The following ADGRL2 variants were observed in gnomAD, a reference collection of about 807,000 sequenced individuals.
ADGRL2 encodes the protein adhesion G protein-coupled receptor L2.
ADGRL2 carries 44 observed loss-of-function variants against 157.4 expected under a neutral mutation model. The ratio of observed to expected loss-of-function variants is 0.28; its 90% CI spans 0.22 to 0.36. The LOEUF is 0.36. Ranked by LOEUF, ADGRL2 falls within the 10% of genes least tolerant of loss-of-function variation. The pLI is 1.00. For synonymous variants in ADGRL2, 585 were observed against 624.7 expected, an observed-to-expected ratio of 0.94 and a Z score of 0.95; for missense variants, 1,510 against 1,768.9, an observed-to-expected ratio of 0.85 and a Z score of 2.63.
At chr1:81,824,963 C>CTCTCTCTCTT (rs1553162215) in intron 1 of ADGRL2, among the ~76,000 whole-genome samples, 25 of 138,458 alleles carry the variant, frequency 1.8e-4, no homozygotes, top group African/African-American at 6.7e-4. Context: ...CTCTCTCTCT[C>CTCTCTCTCTT]TCTCTCTCTC....
At position 81,395,862 on chromosome 1, in the gene ADGRL2, A is replaced by G. The variant is rs145282238; in HGVS notation, c.-301-49174A>G. Among the ~76,000 whole-genome samples, 6 of 152,160 alleles carry G rather than the reference A, an allele frequency of 3.9e-5. No homozygotes were observed. In the East Asian group the frequency reaches 9.7e-4, roughly 24 times the overall value. On this transcript the variant is annotated intron_variant, in intron 1 of 24. Transcript: ENST00000370721. ...AAATCAGTTAGCCGTAAATATGTGA[A>G]TTTATTTCTAGGTTCTCTAGCTTGT...
At chr1:81,481,858 C>T (rs1300623130) in intron 2 of ADGRL2, among the ~76,000 whole-genome samples, 2 of 152,150 alleles carry the variant, frequency 1.3e-5, no homozygotes, top group African/African-American at 2.4e-5. Flanking sequence ...TAGCCCTTCC[C>T]TGTTTCTTTG....
chr1:81,738,924 T>C (rs992998520), intron 1 of ADGRL2, among the ~76,000 whole-genome samples: 6 of 152,252 alleles, frequency 3.9e-5, no homozygotes, highest in African/African-American at 1.4e-4. Context: ...GGACTTGAGC[T>C]ACTTCTGCTG....
chr1:81,656,117 T>C (rs2082529256), intron 3 of ADGRL2, among the ~76,000 whole-genome samples: 1 of 152,212 alleles, frequency 6.6e-6, no homozygotes, highest in South Asian at 2.1e-4. Context: ...CCACTAGATC[T>C]CTAACACTTT....
chr1:81,801,315 G>T (rs1032784267), intron 1 of ADGRL2, among the ~76,000 whole-genome samples: 6 of 152,172 alleles, frequency 3.9e-5, no homozygotes, highest in Non-Finnish European at 7.3e-5. Flanking sequence ...CCCAACTGGC[G>T]GGGAGGGCGG....
chr1:81,781,484 G>A (rs1018986446), intron 2 of ADGRL2, among the ~76,000 whole-genome samples: 2 of 152,116 alleles, frequency 1.3e-5, no homozygotes, highest in Non-Finnish European at 2.9e-5. Flanking sequence ...ACAGAATCTA[G>A]GCTTTAAAAG....
At chr1:81,798,081 G>A (rs2389187), upstream of ADGRL2, among the ~76,000 whole-genome samples, 1,890 of 152,238 alleles carry the variant, frequency 0.012, 48 homozygotes, top group African/African-American at 0.043. Flanking sequence ...GGATTGCAGG[G>A]AATGCGTAAC....
intron 7 of ADGRL2, 47 bp from the exon 8 acceptor site, chr1:81,950,971 C>T (rs1348607383): frequency 8.2e-6 from 10 of 1,215,064 alleles, no homozygotes; most frequent in Non-Finnish European, 1.1e-5. Context: ...CGAATGCATG[C>T]AGAAAAATGG....
At chr1:81,843,027 T>C (rs1316133847) in intron 2 of ADGRL2, among the ~76,000 whole-genome samples, 1 of 152,176 alleles carries the variant, frequency 6.6e-6, no homozygotes, top group Non-Finnish European at 1.5e-5. Context: ...ATTAAATTAA[T>C]AGGAATTGTG....
intron 1 of ADGRL2, among the ~76,000 whole-genome samples, chr1:81,751,749 T>G (rs2085496673): frequency 6.6e-6 from 1 of 152,164 alleles, no homozygotes; most frequent in Non-Finnish European, 1.5e-5. Flanking sequence ...TATCCTTGTT[T>G]GTTGAAAAAA....
chr1:81,426,474 G>GC, intron 1 of ADGRL2: 1 of 393,684 alleles, frequency 2.5e-6, no homozygotes, highest in Non-Finnish European at 4.9e-6. Flanking sequence ...TAAAACTGAT[G>GC]CCCAGTGGCC....
chr1:81,439,061 C>A (rs138830759), intron 1 of ADGRL2, among the ~76,000 whole-genome samples: 3 of 152,258 alleles, frequency 2.0e-5, no homozygotes, highest in Non-Finnish European at 4.4e-5. Flanking sequence ...CCCAGAGAAC[C>A]TTTTGTACTT....
intron 2 of ADGRL2, among the ~76,000 whole-genome samples, chr1:81,457,052 C>T (rs1035763519): frequency 1.3e-5 from 2 of 152,060 alleles, no homozygotes; most frequent in African/African-American, 4.8e-5. Context: ...TACATAATAC[C>T]TGAAGGCATC....
At chr1:81,482,188 C>T (rs4650558) in intron 2 of ADGRL2, among the ~76,000 whole-genome samples, 127,728 of 152,226 alleles carry the variant, frequency 0.84, 55,465 homozygotes, top group East Asian at 1. Context: ...TGGGCTTTAG[C>T]AGAAACTGAT....
At chr1:81,439,513 CA>C (rs1478944193) in intron 1 of ADGRL2, among the ~76,000 whole-genome samples, 3 of 152,212 alleles carry the variant, frequency 2.0e-5, no homozygotes, top group African/African-American at 7.2e-5. Flanking sequence ...ATGCCAGGGT[CA>C]ATCCCTTGCA....
Position 81,945,984 on chromosome 1 carries a change from C to G in ADGRL2, c.1210+2215C>G, listed in dbSNP as rs1033690323. On this transcript the variant is annotated intron_variant, in intron 6 of 23. Transcript: ENST00000686636. Reference sequence around the variant, plus strand: ...GTAGGTGGGGTCTTGCAGAACTATTCTGGCCCACAAATTTAGGTCAAACCA... The same window carrying G: ...GTAGGTGGGGTCTTGCAGAACTATTGTGGCCCACAAATTTAGGTCAAACCA... Among the ~76,000 whole-genome samples the G allele has an allele frequency of 3.9e-5, 6 of 152,130 alleles. No homozygotes were observed. In the South Asian group the frequency reaches 1.2e-3, roughly 31 times the overall value.
intron 2 of ADGRL2, among the ~76,000 whole-genome samples, chr1:81,491,326 T>G (rs2147951043): frequency 6.6e-6 from 1 of 152,294 alleles, no homozygotes; most frequent in East Asian, 1.9e-4. Flanking sequence ...TGGAAGATAG[T>G]CTAGTCTAGG....
At chr1:81,597,462 A>G (rs558274274) in intron 3 of ADGRL2, among the ~76,000 whole-genome samples, 4 of 152,362 alleles carry the variant, frequency 2.6e-5, no homozygotes, top group African/African-American at 9.6e-5. Context: ...AACAGCAGTA[A>G]TGATAAAAAC....
chr1:81,334,384 T>A (rs1216307638), intron 1 of ADGRL2, among the ~76,000 whole-genome samples: 1 of 152,242 alleles, frequency 6.6e-6, no homozygotes, highest in Non-Finnish European at 1.5e-5. Context: ...TAACCTATGA[T>A]CCAGTCTTCC....
Sources: gnomAD v4.1 joint callset for allele counts (sites outside exome capture counted in the v4.1 genomes callset) on GRCh38, gnomAD v4.1.1 for gene constraint, MANE v1.5 for transcripts, NCBI Gene and HGNC (gene_info 2026-07-23, HGNC 2026-07-21) for gene names.